Variants in DNAJA3 observed in about 807,000 individuals in gnomAD.
DNAJA3 encodes the protein DnaJ heat shock protein family (Hsp40) member A3.
Under a neutral mutation model 54.9 loss-of-function variants are expected in DNAJA3, and 29 were observed. The observed-to-expected ratio is 0.53, with a 90% confidence interval of 0.39 to 0.72. The LOEUF (loss-of-function observed/expected upper bound fraction) is 0.72, where lower values mean the gene tolerates loss of function less well. Among genes scored for constraint, DNAJA3 ranks in the 30% least tolerant of loss-of-function variants. The probability of loss-of-function intolerance (pLI) is 0.00; values close to 1 mark genes in which losing one functional copy is unlikely to be tolerated. For synonymous variants in DNAJA3, 302 were observed against 251.4 expected (o/e 1.20, Z -1.90); for missense variants, 708 against 639.4 (o/e 1.11, Z -1.16).
At chr16:4,446,264 G>C (rs2056900979) in intron 7 of DNAJA3, among the ~76,000 whole-genome samples, 1 of 131,724 alleles carries the variant, frequency 7.6e-6, no homozygotes, top group Admixed American at 7.9e-5. Flanking sequence ...TTTTTTTTGA[G>C]GTGGAGTCTC....
At chr16:4,453,782 C>A (rs758302032) in intron 10 of DNAJA3, among the ~76,000 whole-genome samples, 1 of 152,162 alleles carries the variant, frequency 6.6e-6, no homozygotes, top group Non-Finnish European at 1.5e-5. Flanking sequence ...CCTCCCTCAC[C>A]CCTTCCCGGG....
chr16:4,442,576 C>T, intron 5 of DNAJA3, 156 bp downstream of exon 5: 2 of 862,010 alleles, frequency 2.3e-6, no homozygotes, highest in South Asian at 2.5e-5. Context: ...GGAGACGAGC[C>T]TGTGCTCCTC....
chr16:4,442,207 C>T (rs895945148), intron 4 of DNAJA3, 61 bp from the exon 5 acceptor site: 4 of 1,501,534 alleles, frequency 2.7e-6, no homozygotes, highest in Non-Finnish European at 2.7e-6. Flanking sequence ...CCCTTTAGAG[C>T]CGAGCGTCAG....
At chr16:4,437,033 C>T (rs1175617783) in intron 2 of DNAJA3, among the ~76,000 whole-genome samples, 4 of 152,112 alleles carry the variant, frequency 2.6e-5, no homozygotes, top group Non-Finnish European at 5.9e-5. Context: ...TGCAGTGCCT[C>T]GATCTCTGCT....
chr16:4,431,740 G>C (rs974240031), intron 1 of DNAJA3: 3 of 151,890 alleles, frequency 2.0e-5, no homozygotes, highest in Non-Finnish European at 4.4e-5. Context: ...ACCATGACCG[G>C]CTAATTTTTG....
At chr16:4,451,409 C>G (rs914509074) in intron 10 of DNAJA3, among the ~76,000 whole-genome samples, 2 of 151,876 alleles carry the variant, frequency 1.3e-5, no homozygotes, top group Admixed American at 6.6e-5. Flanking sequence ...ATGGAAGTCC[C>G]TGGAATTTCA....
rs1395385041 is a variant in DNAJA3 at position 4,441,489 on chromosome 16, C to A, written c.544C>A (p.Pro182Thr). The A allele has an allele frequency of 1.2e-6, 2 of 1,614,170 alleles. No individual in the cohort carries two copies. Among genetic ancestry groups the A allele is most frequent in the South Asian group, 1.1e-5 (1 of 91,084 alleles). ...CTGGAAGGGAGGCCCCACTGTGGAC[C>A]CCGAGGAGCTGTTCAGGAAGATCTT... is the stretch of plus-strand genomic sequence containing the variant. ...SYWKGGPTVD[P>T]EELFRKIFGE... is the part of the protein sequence containing the mutation. Residue 182 changes from proline (P) to threonine (T), a missense_variant, in exon 4 of 12, where the codon CCC becomes ACC. Transcript: ENST00000262375.
chr16:4,428,246 C>T (rs1207786808), intron 1 of DNAJA3, among the ~76,000 whole-genome samples: 2 of 152,028 alleles, frequency 1.3e-5, no homozygotes, highest in African/African-American at 4.8e-5. Context: ...CCACCGCGAC[C>T]GGCCTTATTT....
Position 4,429,268 on chromosome 16 carries a change from C to T in DNAJA3, c.211+3176C>T, listed in dbSNP as rs567078633. ...GTGCAGTGGTGCGATCTCGGCTCAC[C>T]ATGATCTTGACTCACCGTGATCTCG... On this transcript the variant is annotated intron_variant, in intron 1 of 11. Transcript: ENST00000262375. Among the ~76,000 whole-genome samples the T allele has an allele frequency of 2.0e-5, 3 of 151,608 alleles. No individual in the cohort carries two copies. The South Asian group carries it at 6.2e-4, about 32-fold the overall frequency.
chr16:4,435,939 C>G (rs887427555), intron 2 of DNAJA3, among the ~76,000 whole-genome samples: 5 of 152,230 alleles, frequency 3.3e-5, no homozygotes, highest in Non-Finnish European at 7.3e-5. Flanking sequence ...TTCCCACCAG[C>G]AGCATATGAG....
rs1229758895 is a variant in DNAJA3, at chr16:4,439,899, G to A, written c.430-1476G>A. 3.9e-5 allele frequency among the ~76,000 whole-genome samples: 6 copies of A among 152,092 alleles called. No individual in the cohort carries two copies. The East Asian group carries it at 7.7e-4, about 20-fold the overall frequency. Reference sequence around the variant, plus strand: ...TCTAGGTGGAAGTGTCTTTTCCTTTGGAGGAAGCGTACTCTTTTCTGTTTG... The same window carrying A: ...TCTAGGTGGAAGTGTCTTTTCCTTTAGAGGAAGCGTACTCTTTTCTGTTTG... On this transcript the variant is annotated intron_variant, in intron 3 of 11. Transcript: ENST00000262375.
intron 11 of DNAJA3, 24 bp downstream of exon 11, chr16:4,454,951 T>C (rs2057018450): frequency 6.7e-7 from 1 of 1,490,164 alleles, no homozygotes. Context: ...GGAGGTTTTT[T>C]TTCCCTTTGT....
At position 4,426,046 on chromosome 16, in the gene DNAJA3, C is replaced by T. The variant is rs1005843806; in HGVS notation, c.165C>T (p.Cys55=). The change falls in exon 1 of 12, where the codon TGC becomes TGT. Residue 55 remains cysteine, a synonymous_variant. Coordinates refer to ENST00000262375, the MANE Select transcript of DNAJA3 (RefSeq NM_005147.6). The stretch of plus-strand genomic sequence containing the variant: ...CCTTTGCGTCTTCCCTGACCTCTTG[C>T]GGCCCCCGAGCGCTGCTGACATTGA... ...VPAFASSLTS[C]GPRALLTLRP... 1.9e-6 allele frequency: 3 copies of T among 1,603,930 alleles called. No individual in the cohort carries two copies. The highest frequency in any genetic ancestry group is 2.6e-6 in the Non-Finnish European group (3 of 1,175,934).
Position 4,446,993 on chromosome 16 carries a change from G to A in DNAJA3, c.1104G>A (p.Leu368=), listed in dbSNP as rs147345131. 9.9e-6 allele frequency: 16 copies of A among 1,613,922 alleles called. No individual in the cohort carries two copies. In the African/African-American group the frequency reaches 1.6e-4, roughly 16 times the overall value. Residue 368 remains leucine, a synonymous_variant, in exon 8 of 12, where the codon CTG becomes CTA. Transcript: ENST00000262375. The part of the protein sequence containing the change: ...LLGGTARAQG[L]YETINVTIPP... The stretch of plus-strand genomic sequence containing the variant: ...GGGGTACAGCCAGAGCCCAGGGCCT[G>A]TACGAGACGATCAACGTGACGGTAA...
rs1449837904 is a variant in DNAJA3 at position 4,426,034 on chromosome 16, C to T, written c.153C>T (p.Ser51=). 2 of 1,606,964 alleles carry T rather than the reference C, an allele frequency of 1.2e-6. No homozygotes were observed. The highest frequency in any genetic ancestry group is 1.7e-5 in the Admixed American group (1 of 59,570). The change falls in exon 1 of 12, where the codon TCC becomes TCT. Residue 51 remains serine, a synonymous_variant. Coordinates refer to ENST00000262375, the MANE Select transcript of DNAJA3 (RefSeq NM_005147.6). ...RKLSVPAFAS[S]LTSCGPRALL... Reference sequence around the variant, plus strand: ...TGAGCGTCCCCGCCTTTGCGTCTTCCCTGACCTCTTGCGGCCCCCGAGCGC... The same window carrying T: ...TGAGCGTCCCCGCCTTTGCGTCTTCTCTGACCTCTTGCGGCCCCCGAGCGC...
In DNAJA3 at chr16:4,441,324, C is replaced by T. The variant is rs183782544; in HGVS notation, c.430-51C>T. ...TTTGCTGTGAACTCTTGTCTGTATT[C>T]CTGGGCCTTGGTAGACCTGGGATGC... On this transcript the variant is annotated intron_variant, in intron 3 of 11. Coordinates refer to ENST00000262375, the MANE Select transcript of DNAJA3 (RefSeq NM_005147.6). 4.3e-3 allele frequency: 6,626 copies of T among 1,526,808 alleles called. 32 individuals carry two copies. The highest frequency in any genetic ancestry group is 5.5e-3 in the Non-Finnish European group (6,105 of 1,118,200). The allele number at this position is 1,526,808 out of a possible 1,614,324, so 94.6% of individuals were successfully genotyped here.
intron 7 of DNAJA3, among the ~76,000 whole-genome samples, chr16:4,446,416 G>GT (rs1008084694): frequency 1.3e-5 from 2 of 150,704 alleles, no homozygotes; most frequent in African/African-American, 2.4e-5. Context: ...GTTAATTTTT[G>GT]TATTTTTAGT....
Position 4,444,832 on chromosome 16 carries a change from C to T in DNAJA3, c.996+104C>T, listed in dbSNP as rs146935357. ...ATCAAAGCTTCACAGGAACATGTCT[C>T]GCCATTCATGTTTCTGAGGGGCACA... is the stretch of plus-strand genomic sequence containing the variant. On this transcript the variant is annotated intron_variant, in intron 7 of 11. Coordinates refer to ENST00000262375, the MANE Select transcript of DNAJA3 (RefSeq NM_005147.6). The T allele has an allele frequency of 1.4e-4, 156 of 1,076,886 alleles. 1 individual carries two copies. The East Asian group carries it at 3.4e-3, about 24-fold the overall frequency. 66.7% of individuals were successfully genotyped at this position (1,076,886 alleles called of 1,614,324 possible).
At chr16:4,434,558 G>A (rs763564390) in intron 2 of DNAJA3, 41 bp downstream of exon 2, 5 of 1,600,172 alleles carry the variant, frequency 3.1e-6, no homozygotes, top group Non-Finnish European at 4.3e-6. Flanking sequence ...AATTGTAGTA[G>A]GAATGTTGTT....
Sources: allele counts gnomAD v4.1 joint callset (sites outside exome capture counted in the v4.1 genomes callset), GRCh38; gene constraint gnomAD v4.1.1; transcripts MANE v1.5; gene names NCBI Gene and HGNC (gene_info 2026-07-23, HGNC 2026-07-21).